The following ITFG1 variants were observed in gnomAD, a reference collection of about 807,000 sequenced individuals.
ITFG1 encodes integrin alpha FG-GAP repeat containing 1.
In ITFG1, 34 loss-of-function variants were observed where a neutral mutation model predicts 81.8. The ratio of observed to expected loss-of-function variants is 0.42; its 90% CI spans 0.32 to 0.55. The LOEUF is 0.55. Ranked by LOEUF, ITFG1 falls within the 20% of genes least tolerant of loss-of-function variation. ITFG1 has a pLI of 0.17. For missense variants in ITFG1, 672 were observed against 755.4 expected (o/e 0.89, Z 1.29); for synonymous variants, 285 against 270.6 (o/e 1.05, Z -0.52).
intron 7 of ITFG1, among the ~76,000 whole-genome samples, chr16:47,372,067 C>T (rs887001578): frequency 2.6e-5 from 4 of 151,950 alleles, no homozygotes; most frequent in East Asian, 1.9e-4. Flanking sequence ...CGCCCGCCAC[C>T]GCACCCAGCT....
At chr16:47,259,672 G>A (rs756676432) in intron 11 of ITFG1, among the ~76,000 whole-genome samples, 2 of 152,098 alleles carry the variant, frequency 1.3e-5, no homozygotes, top group African/African-American at 2.4e-5. Flanking sequence ...ATCTTACAAG[G>A]ATATACTGTG....
At chr16:47,246,638 G>T (rs1172369999) in intron 12 of ITFG1, among the ~76,000 whole-genome samples, 2 of 152,202 alleles carry the variant, frequency 1.3e-5, no homozygotes, top group Non-Finnish European at 2.9e-5. Context: ...GGCTGACTCA[G>T]ACTGCGTGGG....
chr16:47,392,747 T>A lies in ITFG1; in HGVS notation c.656-16807A>T, dbSNP rs536022828. The stretch of plus-strand genomic sequence containing the variant: ...GTATGGAGACTGTCTAACACAATGC[T>A]CTGTTGTAAGGGGCTTAATAAATCT... On this transcript the variant is annotated intron_variant, in intron 6 of 17. Coordinates refer to ENST00000320640, the MANE Select transcript of ITFG1 (RefSeq NM_030790.5). Among the ~76,000 whole-genome samples the A allele has an allele frequency of 4.6e-5, 7 of 152,344 alleles. No homozygotes were observed. In the East Asian group the frequency reaches 1.3e-3, roughly 29 times the overall value.
At chr16:47,340,273 T>C (rs1471413248) in intron 8 of ITFG1, among the ~76,000 whole-genome samples, 1 of 152,174 alleles carries the variant, frequency 6.6e-6, no homozygotes, top group African/African-American at 2.4e-5. Context: ...AAAGCCAGTA[T>C]TATTGTATTA....
intron 8 of ITFG1, among the ~76,000 whole-genome samples, chr16:47,314,812 G>A (rs1967326709): frequency 6.6e-6 from 1 of 152,128 alleles, no homozygotes; most frequent in South Asian, 2.1e-4. Context: ...ACTCGTGCCT[G>A]AGGTAGTATA....
chr16:47,406,256 G>T (rs902738954), intron 6 of ITFG1, among the ~76,000 whole-genome samples: 1 of 152,088 alleles, frequency 6.6e-6, no homozygotes, highest in African/African-American at 2.4e-5. Context: ...TTTTAGAAAA[G>T]AAACAAAATT....
In ITFG1 at chr16:47,155,641, C is replaced by A; in HGVS notation, c.*78G>T. The A allele has an allele frequency of 1.2e-6, 1 of 835,258 alleles. No individual in the cohort carries two copies. Among genetic ancestry groups the A allele is most frequent in the Non-Finnish European group, 2.0e-6 (1 of 507,652 alleles). 51.7% of individuals were successfully genotyped at this position (835,258 alleles called of 1,614,324 possible). On this transcript the variant is annotated 3_prime_UTR_variant, in exon 18 of 18. Transcript: ENST00000320640. ...TCATTTATAAATAATATTTAATCTC[C>A]CCTATTTTTTCAAGCCAGAATTTGT... is the stretch of plus-strand genomic sequence containing the variant.
intron 5 of ITFG1, among the ~76,000 whole-genome samples, chr16:47,445,461 A>G (rs529608114): frequency 6.6e-5 from 10 of 152,270 alleles, no homozygotes; most frequent in African/African-American, 2.2e-4. Flanking sequence ...AGAAGTTGAC[A>G]TGCTTAAAAT....
chr16:47,189,686 A>C (rs943848640), intron 14 of ITFG1, among the ~76,000 whole-genome samples: 1 of 152,162 alleles, frequency 6.6e-6, no homozygotes, highest in African/African-American at 2.4e-5. Flanking sequence ...TTTTATGTGG[A>C]CATGTTTTCT....
At chr16:47,347,731 C>A (rs540754973) in intron 8 of ITFG1, among the ~76,000 whole-genome samples, 1 of 152,322 alleles carries the variant, frequency 6.6e-6, no homozygotes, top group East Asian at 1.9e-4. Context: ...GATCTGAGAA[C>A]GGACAGACTG....
At chr16:47,263,549 G>T in intron 10 of ITFG1, 1 of 266,450 alleles carries the variant, frequency 3.8e-6, no homozygotes, top group East Asian at 1.2e-4. Context: ...ACTGTCATTG[G>T]TAATATGGAT....
intron 6 of ITFG1, among the ~76,000 whole-genome samples, chr16:47,387,741 A>G (rs1212002612): frequency 6.6e-6 from 1 of 152,174 alleles, no homozygotes; most frequent in African/African-American, 2.4e-5. Flanking sequence ...AAGACTGTGC[A>G]TACTTTTTCT....
At chr16:47,451,268 A>G (rs898061881) in intron 5 of ITFG1, 128 bp downstream of exon 5, 2 of 561,234 alleles carry the variant, frequency 3.6e-6, no homozygotes, top group Non-Finnish European at 6.3e-6. Context: ...GAAAGCTTAT[A>G]TATATTAACC....
At chr16:47,257,460 G>A (rs922476218) in intron 12 of ITFG1, among the ~76,000 whole-genome samples, 6 of 152,136 alleles carry the variant, frequency 3.9e-5, no homozygotes, top group African/African-American at 1.4e-4. Context: ...ATGGGGGTCA[G>A]GTGGAGGATA....
chr16:47,198,774 G>A (rs1040530997), intron 14 of ITFG1, among the ~76,000 whole-genome samples: 8 of 152,026 alleles, frequency 5.3e-5, no homozygotes, highest in African/African-American at 1.9e-4. Context: ...TAATGTGGGT[G>A]TTTGTGTCTT....
At chr16:47,459,814 C>CA (rs1969502702) in intron 1 of ITFG1, among the ~76,000 whole-genome samples, 1 of 152,186 alleles carries the variant, frequency 6.6e-6, no homozygotes, top group South Asian at 2.1e-4. Flanking sequence ...GACACAGCAG[C>CA]AACAGGTTTG....
chr16:47,324,944 G>C (rs1189304576), intron 8 of ITFG1, among the ~76,000 whole-genome samples: 1 of 152,008 alleles, frequency 6.6e-6, no homozygotes, highest in East Asian at 1.9e-4. Context: ...AAGTCAAAAG[G>C]ATACCCAGGA....
intron 4 of ITFG1, among the ~76,000 whole-genome samples, chr16:47,452,282 C>A (rs1180708987): frequency 6.6e-6 from 1 of 152,036 alleles, no homozygotes; most frequent in African/African-American, 2.4e-5. Flanking sequence ...AAATTTACAT[C>A]AATTATTTAA....
chr16:47,313,133 T>C (rs1386930754), intron 9 of ITFG1: 3 of 152,280 alleles, frequency 2.0e-5, no homozygotes, highest in Non-Finnish European at 4.4e-5. Flanking sequence ...GTTAAATGCT[T>C]TTAGAATGCT....
Sources: allele counts gnomAD v4.1 joint callset (sites outside exome capture counted in the v4.1 genomes callset), GRCh38; gene constraint gnomAD v4.1.1; transcripts MANE v1.5; gene names NCBI Gene and HGNC (gene_info 2026-07-23, HGNC 2026-07-21).